The following ANKRD30A variants were observed in gnomAD, a reference collection of about 807,000 sequenced individuals.
The protein encoded by ANKRD30A is ankyrin repeat domain 30A, also known as ankyrin repeat domain-containing protein 30A.
In ANKRD30A, 170 loss-of-function variants were observed where a neutral mutation model predicts 166.3. The observed-to-expected ratio is 1.02, with a 90% confidence interval of 0.90 to 1.16. ANKRD30A has a LOEUF of 1.16. Among genes scored for constraint, ANKRD30A ranks in the 50% most tolerant of loss-of-function variants. The probability of loss-of-function intolerance (pLI) is 0.00; values close to 1 mark genes in which losing one functional copy is unlikely to be tolerated. For synonymous variants in ANKRD30A, 564 were observed against 508.9 expected, an observed-to-expected ratio of 1.11 and a Z score of -1.46; for missense variants, 1,630 against 1,518.0, an observed-to-expected ratio of 1.07 and a Z score of -1.23.
At chr10:37,166,032 T>A (rs1209163800) in intron 18 of ANKRD30A, among the ~76,000 whole-genome samples, 3 of 152,134 alleles carry the variant, frequency 2.0e-5, no homozygotes, top group Non-Finnish European at 4.4e-5. Flanking sequence ...GCACTTTTTC[T>A]CTCACCAAAA....
downstream of ANKRD30A, among the ~76,000 whole-genome samples, chr10:37,234,225 C>A (rs1039304211): frequency 2.0e-5 from 3 of 152,062 alleles, no homozygotes; most frequent in Admixed American, 6.6e-5. Context: ...TTTTTCCAAA[C>A]TTTTACTTTG....
downstream of ANKRD30A, chr10:37,232,569 T>A (rs2132768963): frequency 6.8e-6 from 1 of 146,718 alleles, no homozygotes; most frequent in African/African-American, 2.5e-5. Context: ...TCCAACCAGG[T>A]GATTTTACTC....
In ANKRD30A at chr10:37,165,170, T is replaced by G. The variant is rs760091389; in HGVS notation, c.2064+15T>G. 7 of 1,597,384 alleles carry G rather than the reference T, an allele frequency of 4.4e-6. No individual in the cohort carries two copies. Among genetic ancestry groups the G allele is most frequent in the Non-Finnish European group, 6.0e-6 (7 of 1,165,906 alleles). On this transcript the variant is annotated intron_variant, in intron 18 of 35. Transcript: ENST00000361713. ...GGGATACTGAGGTACTGTGTGTTGT[T>G]GATTTTTTTAAATATTAGTATTGCA...
At chr10:37,132,407 A>AGT (rs2132510813) in intron 4 of ANKRD30A, 61 bp downstream of exon 4, 3 of 926,656 alleles carry the variant, frequency 3.2e-6, no homozygotes, top group Non-Finnish European at 4.7e-6. Flanking sequence ...AATAACACTC[A>AGT]AGTCAGAAAT....
chr10:37,218,026 GTTAT>G (rs1842694725), intron 33 of ANKRD30A, 148 bp downstream of exon 33: 2 of 516,576 alleles, frequency 3.9e-6, no homozygotes, highest in Non-Finnish European at 6.4e-6. Context: ...TGTAGCTACA[GTTAT>G]TTATTATAAG....
chr10:37,195,571 C>T (rs1051689544), intron 27 of ANKRD30A, among the ~76,000 whole-genome samples: 2 of 152,102 alleles, frequency 1.3e-5, no homozygotes, highest in Non-Finnish European at 2.9e-5. Flanking sequence ...CTTTAGAAAA[C>T]ATAAACAAAA....
downstream of ANKRD30A, among the ~76,000 whole-genome samples, chr10:37,233,577 A>C (rs2132771157): frequency 6.6e-6 from 1 of 152,282 alleles, no homozygotes; most frequent in Admixed American, 6.5e-5. Context: ...AGTTCATTTT[A>C]AACTTCATTA....
chr10:37,167,116 G>C (rs539062069), intron 19 of ANKRD30A, among the ~76,000 whole-genome samples: 2 of 151,790 alleles, frequency 1.3e-5, no homozygotes, highest in Admixed American at 1.3e-4. Context: ...AGATGATTTT[G>C]GATTTTCTAT....
intron 24 of ANKRD30A, among the ~76,000 whole-genome samples, chr10:37,184,005 G>A (rs1446762269): frequency 1.3e-5 from 2 of 151,694 alleles, no homozygotes; most frequent in African/African-American, 4.8e-5. Context: ...AAAATTAGCC[G>A]GACGTGGTGG....
downstream of ANKRD30A, among the ~76,000 whole-genome samples, chr10:37,234,040 A>G (rs1392747043): frequency 6.6e-6 from 1 of 152,152 alleles, no homozygotes; most frequent in Admixed American, 6.5e-5. Context: ...TTTAACTATA[A>G]AGAAACTGAT....
intron 8 of ANKRD30A, 39 bp from the exon 9 acceptor site, chr10:37,147,331 T>A: frequency 6.9e-7 from 1 of 1,446,970 alleles, no homozygotes; most frequent in South Asian, 1.3e-5. Flanking sequence ...TGCTTATGAT[T>A]TTAAAACTGA....
At chr10:37,145,980 C>G (rs1358379822) in intron 8 of ANKRD30A, among the ~76,000 whole-genome samples, 1 of 152,228 alleles carries the variant, frequency 6.6e-6, no homozygotes, top group Non-Finnish European at 1.5e-5. Context: ...TCTTTGAGTC[C>G]GTTTGTGGTA....
chr10:37,198,541 G>A (rs1564555599), intron 29 of ANKRD30A, among the ~76,000 whole-genome samples: 1 of 151,950 alleles, frequency 6.6e-6, no homozygotes, highest in Non-Finnish European at 1.5e-5. Flanking sequence ...ATATTTCCTT[G>A]TTCAATCATG....
In ANKRD30A at chr10:37,203,961, A is replaced by G. The variant is rs979071802; in HGVS notation, c.2869+2636A>G. 2.6e-5 allele frequency among the ~76,000 whole-genome samples: 4 copies of G among 152,198 alleles called. No homozygotes were observed. In the East Asian group the frequency reaches 5.8e-4, roughly 22 times the overall value. ...GTGAAGGACCTCTTCAAGGAGAACT[A>G]TACACCACTGCTTAACGAAATAAAA... is the stretch of plus-strand genomic sequence containing the variant. On this transcript the variant is annotated intron_variant, in intron 31 of 35. Transcript: ENST00000361713.
At chr10:37,216,428 C>T (rs1328940110) in intron 32 of ANKRD30A, 34 bp downstream of exon 32, 4 of 1,534,406 alleles carry the variant, frequency 2.6e-6, no homozygotes, top group Non-Finnish European at 3.5e-6. Flanking sequence ...AATATTTCAG[C>T]TATTTATACT....
chr10:37,165,910 T>C (rs1279217670), intron 18 of ANKRD30A, among the ~76,000 whole-genome samples: 1 of 152,012 alleles, frequency 6.6e-6, no homozygotes, highest in Non-Finnish European at 1.5e-5. Flanking sequence ...AGGGTGGAAG[T>C]CAATAGGTAG....
At chr10:37,214,503 A>G (rs1267357324) in intron 31 of ANKRD30A, among the ~76,000 whole-genome samples, 2 of 149,642 alleles carry the variant, frequency 1.3e-5, no homozygotes, top group Non-Finnish European at 3.0e-5. Context: ...TGCTTCCTTC[A>G]GACTAGTTTA....
intron 25 of ANKRD30A, among the ~76,000 whole-genome samples, chr10:37,192,545 T>G (rs1170543299): frequency 3.3e-5 from 5 of 151,976 alleles, no homozygotes; most frequent in East Asian, 1.9e-4. Context: ...GATAAGTACA[T>G]TTGTACCTTT....
chr10:37,133,887 A>G, intron 4 of ANKRD30A, 29 bp from the exon 5 acceptor site: 1 of 1,611,724 alleles, frequency 6.2e-7, no homozygotes, highest in Non-Finnish European at 8.5e-7. Context: ...TCTGCTCATA[A>G]TAATGAAGTT....
Sources: allele counts gnomAD v4.1 joint callset (sites outside exome capture counted in the v4.1 genomes callset), GRCh38; gene constraint gnomAD v4.1.1; transcripts MANE v1.5; gene names NCBI Gene and HGNC (gene_info 2026-07-23, HGNC 2026-07-21).